OXNAD1: variants seen among roughly 807,000 people sequenced by gnomAD.
The protein encoded by OXNAD1 is oxidoreductase NAD binding domain containing 1, also known as oxidoreductase NAD-binding domain-containing protein 1.
A neutral mutation model predicts 32.9 loss-of-function variants in OXNAD1; 34 were observed. The ratio of observed to expected loss-of-function variants is 1.03; its 90% CI spans 0.79 to 1.38. The LOEUF (loss-of-function observed/expected upper bound fraction) is 1.38, where lower values mean the gene tolerates loss of function less well. OXNAD1 is among the 40% of genes most tolerant of loss of function. The probability of loss-of-function intolerance (pLI) is 0.00; values close to 1 mark genes in which losing one functional copy is unlikely to be tolerated. For missense variants in OXNAD1, 407 were observed against 379.4 expected (o/e 1.07, Z -0.60); for synonymous variants, 134 against 135.2 (o/e 0.99, Z 0.06).
At position 16,335,529 on chromosome 3, in the gene OXNAD1, C is replaced by T. The variant is rs1004698748; in HGVS notation, c.*31-1583C>T. On this transcript the variant is annotated intron_variant, in intron 9 of 9. Coordinates refer to the OXNAD1 transcript ENST00000435829. This position sits in a 1 kb window ranked among gnomAD's most constrained non-coding sequence, Gnocchi z 4.7. ...CGCAGGAACAGAAAATCAAACACCA[C>T]ATGTTCTCACTTACAAGTGGGAGAG... Among the ~76,000 whole-genome samples, 5 of 152,200 alleles carry T rather than the reference C, an allele frequency of 3.3e-5. No homozygotes were observed. Among genetic ancestry groups the T allele is most frequent in the African/African-American group, 4.8e-5 (2 of 41,438 alleles).
chr3:16,330,496 A>T (rs1424767827), intron 9 of OXNAD1, among the ~76,000 whole-genome samples: 1 of 152,210 alleles, frequency 6.6e-6, no homozygotes, highest in East Asian at 1.9e-4. Flanking sequence ...CACTCCAGTG[A>T]GGAGAGAAGA....
At position 16,336,953 on chromosome 3, in the gene OXNAD1, C is replaced by T. The variant is rs1409816600; in HGVS notation, c.*31-159C>T. ...GTCCAGGCCACTTTCCAACACAGCT[C>T]GGCAGCTCCTCCCATAAGAGGGAGA... On this transcript the variant is annotated intron_variant, in intron 9 of 9. Coordinates refer to the OXNAD1 transcript ENST00000435829. The surrounding 1 kb of genome is among the most constrained non-coding windows in gnomAD (Gnocchi z 6.0). Among the ~76,000 whole-genome samples the T allele has an allele frequency of 2.0e-5, 3 of 152,196 alleles. No homozygotes were observed. Among genetic ancestry groups the T allele is most frequent in the Non-Finnish European group, 2.9e-5 (2 of 68,038 alleles).
chr3:16,293,743 G>A (rs145936140), intron 5 of OXNAD1, among the ~76,000 whole-genome samples: 8 of 152,166 alleles, frequency 5.3e-5, no homozygotes, highest in Admixed American at 2.0e-4. Flanking sequence ...TTTCTCTTAG[G>A]GGGGAAACTT....
downstream of OXNAD1, among the ~76,000 whole-genome samples, chr3:16,310,256 G>GGTAA (rs2067874031): frequency 6.6e-6 from 1 of 152,078 alleles, no homozygotes; most frequent in Admixed American, 6.5e-5. Context: ...CCTAGAAACT[G>GGTAA]GTAAGTTTGC....
At chr3:16,274,486 C>A (rs2065186159) in intron 4 of OXNAD1, among the ~76,000 whole-genome samples, 1 of 152,100 alleles carries the variant, frequency 6.6e-6, no homozygotes, top group South Asian at 2.1e-4. Context: ...TCAGGCAACA[C>A]AGAATTCAGT....
rs842283 is a variant in OXNAD1, at chr3:16,301,585, T to G, written c.433-41T>G. 1,020,904 of 1,606,776 alleles carry G rather than the reference T, an allele frequency of 0.64. 326,966 individuals are homozygous for G. The highest frequency in any genetic ancestry group is 0.84 in the African/African-American group (62,760 of 74,750). On this transcript the variant is annotated intron_variant, in intron 6 of 8. Transcript: ENST00000285083. The surrounding 1 kb of genome is among the most constrained non-coding windows in gnomAD (Gnocchi z 4.1). ...AAGTAGAACATTTGGTTTAAGACCTTTGCTACAAAAGACTAAAAGGTCTTT... is the reference window on the plus strand; with the variant it reads ...AAGTAGAACATTTGGTTTAAGACCTGTGCTACAAAAGACTAAAAGGTCTTT...
rs2066394340 is a variant in OXNAD1, at chr3:16,290,976, G to C, written c.291-3880G>C. On this transcript the variant is annotated intron_variant, in intron 5 of 8. Coordinates refer to ENST00000285083, the MANE Select transcript of OXNAD1 (RefSeq NM_138381.5). This position sits in a 1 kb window ranked among gnomAD's most constrained non-coding sequence, Gnocchi z 4.2. ...TTATGTTTCCCAGATATGGGGATGAGAATTTTTTGTGGTTCTGTGTTCCAA... is the reference window on the plus strand; with the variant it reads ...TTATGTTTCCCAGATATGGGGATGACAATTTTTTGTGGTTCTGTGTTCCAA... Among the ~76,000 whole-genome samples the C allele has an allele frequency of 6.6e-6, 1 of 152,146 alleles. No homozygotes were observed. Among genetic ancestry groups the C allele is most frequent in the Non-Finnish European group, 1.5e-5 (1 of 68,028 alleles).
In OXNAD1 at chr3:16,344,269, G is replaced by A. The variant is rs2071494794; in HGVS notation, c.*31-4907G>A. ...ACTAAGAAGTAACAGATTGGAAGGG[G>A]TTTAAGAAGTCAGGGAAACCTACTC... On this transcript the variant is annotated intron_variant, in intron 9 of 9. Transcript: ENST00000606098. The surrounding 1 kb of genome is among the most constrained non-coding windows in gnomAD (Gnocchi z 4.4). 1.3e-5 allele frequency among the ~76,000 whole-genome samples: 2 copies of A among 151,556 alleles called. No individual in the cohort carries two copies. Among genetic ancestry groups the A allele is most frequent in the African/African-American group, 4.9e-5 (2 of 41,212 alleles).
chr3:16,351,557 C>G (rs1014778315), downstream of OXNAD1, among the ~76,000 whole-genome samples: 3 of 152,154 alleles, frequency 2.0e-5, no homozygotes, highest in Admixed American at 2.0e-4. The surrounding 1 kb of genome is among the most constrained non-coding windows in gnomAD (Gnocchi z 5.4). Context: ...GCCATTCTAC[C>G]TGAGGCTGTA....
In OXNAD1 at chr3:16,329,236, C is replaced by G. The variant is rs1453271760; in HGVS notation, c.*31-7876C>G. On this transcript the variant is annotated intron_variant, in intron 9 of 9. Transcript: ENST00000435829. This position sits in a 1 kb window ranked among gnomAD's most constrained non-coding sequence, Gnocchi z 4.5. Reference sequence around the variant, plus strand: ...TGCCAGGCCCTCGACCTTGGACTTCCCAGCCTCCAGGACCAGGAGCCAAGA... The same window carrying G: ...TGCCAGGCCCTCGACCTTGGACTTCGCAGCCTCCAGGACCAGGAGCCAAGA... 6.6e-6 allele frequency among the ~76,000 whole-genome samples: 1 copy of G among 152,202 alleles called. No individual in the cohort carries two copies. Among genetic ancestry groups the G allele is most frequent in the Admixed American group, 6.5e-5 (1 of 15,286 alleles).
At chr3:16,323,536 A>G (rs2069326331) in intron 9 of OXNAD1, 1 of 1,002,710 alleles carries the variant, frequency 1.0e-6, no homozygotes, top group Non-Finnish European at 1.6e-6. Flanking sequence ...TGCCATCCCT[A>G]ATTTCATCAA....
chr3:16,326,233 T>C (rs902806157), intron 9 of OXNAD1, among the ~76,000 whole-genome samples: 10 of 152,226 alleles, frequency 6.6e-5, no homozygotes, highest in African/African-American at 1.9e-4. Flanking sequence ...CCTGAAATTA[T>C]AAGGAATGCC....
Position 16,347,107 on chromosome 3 carries a change from T to C in OXNAD1, c.*31-2069T>C, listed in dbSNP as rs892490207. On this transcript the variant is annotated intron_variant, in intron 9 of 9. Transcript: ENST00000606098. ...GCCTTTCCCCCATTCTGGCCCTTTC[T>C]CCAGGGCCAATTGTCCCAGTGTACA... Among the ~76,000 whole-genome samples, 17 of 152,300 alleles carry C rather than the reference T, an allele frequency of 1.1e-4. 2 individuals carry two copies. Among genetic ancestry groups the C allele is most frequent in the East Asian group, 3.9e-4 (2 of 5,186 alleles).
At chr3:16,325,611 T>C (rs887791394) in intron 9 of OXNAD1, among the ~76,000 whole-genome samples, 5 of 152,202 alleles carry the variant, frequency 3.3e-5, no homozygotes, top group African/African-American at 4.8e-5. Flanking sequence ...GGGTTCTTTC[T>C]ACACCACTGC....
At position 16,320,813 on chromosome 3, in the gene OXNAD1, G is replaced by A. The variant is rs1303610398; in HGVS notation, c.*31-16299G>A. Among the ~76,000 whole-genome samples, 2 of 152,316 alleles carry A rather than the reference G, an allele frequency of 1.3e-5. No homozygotes were observed. Among genetic ancestry groups the A allele is most frequent in the South Asian group, 2.1e-4 (1 of 4,826 alleles). ...GGAGGTAAGAGGGACCAGATCCCTT[G>A]GGGCCTTGAGGGCCACAGTACTGAT... On this transcript the variant is annotated intron_variant, in intron 9 of 9. Transcript: ENST00000435829. The surrounding 1 kb of genome is among the most constrained non-coding windows in gnomAD (Gnocchi z 4.5).
chr3:16,286,398 C>T lies in OXNAD1; in HGVS notation c.240C>T (p.Ser80=). ...GAASESPSVK[S]LRLLVADQDF... ...CCAGTGAGTCACCGTCAGTGAAGAG[C>T]CTCCGCTTGCTTGTTGCTGATCAAG... Residue 80 remains serine (S), a synonymous_variant, in exon 5 of 9, where the codon AGC becomes AGT. Coordinates refer to ENST00000285083, the MANE Select transcript of OXNAD1 (RefSeq NM_138381.5). The T allele has an allele frequency of 6.2e-7, 1 of 1,613,944 alleles. No homozygotes were observed. The highest frequency in any genetic ancestry group is 1.1e-5 in the South Asian group (1 of 91,078).
At chr3:16,311,697 C>G (rs2067993648) in intron 9 of OXNAD1, among the ~76,000 whole-genome samples, 1 of 152,160 alleles carries the variant, frequency 6.6e-6, no homozygotes. Flanking sequence ...TGCTAAGATT[C>G]AAGCCAGCAG....
intron 9 of OXNAD1, chr3:16,326,834 G>A (rs2069747239): frequency 1.9e-6 from 3 of 1,614,050 alleles, no homozygotes; most frequent in Non-Finnish European, 2.5e-6. Flanking sequence ...TAGGCCGCCA[G>A]CGAGTTCAGC....
downstream of OXNAD1, chr3:16,339,635 A>G (rs556554901): frequency 6.6e-6 from 1 of 152,344 alleles, no homozygotes; most frequent in South Asian, 2.1e-4. Flanking sequence ...ATGGTCTCAG[A>G]GAGACTGGCC....
Sources: allele counts gnomAD v4.1 joint callset (sites outside exome capture counted in the v4.1 genomes callset), GRCh38; gene constraint gnomAD v4.1.1; non-coding constraint Gnocchi (gnomAD v3.1); transcripts MANE v1.5; gene names NCBI Gene and HGNC (gene_info 2026-07-23, HGNC 2026-07-21).